The following ABHD12 variants were observed in gnomAD, a reference collection of about 807,000 sequenced individuals.
ABHD12 encodes lysophosphatidylserine lipase ABHD12.
A neutral mutation model predicts 58.3 loss-of-function variants in ABHD12; 43 were observed. That is an observed-to-expected ratio of 0.74 (90% CI 0.58 to 0.95). ABHD12 has a LOEUF of 0.95. ABHD12 is among the 40% of genes least tolerant of loss of function. ABHD12 has a pLI of 0.00. For missense variants in ABHD12, 539 were observed against 537.2 expected, an observed-to-expected ratio of 1.00 and a Z score of -0.03; for synonymous variants, 219 against 211.2, an observed-to-expected ratio of 1.04 and a Z score of -0.32.
At chr20:25,317,019 G>C (rs759713824) in intron 5 of ABHD12, 29 bp downstream of exon 5, 10 of 1,609,734 alleles carry the variant, frequency 6.2e-6, no homozygotes, top group Non-Finnish European at 8.5e-6. Flanking sequence ...ACAGCCCAGG[G>C]AACAGGTGTG....
chr20:25,388,780 A>ACTTTTCC (rs1568783127), intron 1 of ABHD12, among the ~76,000 whole-genome samples: 1 of 105,930 alleles, frequency 9.4e-6, no homozygotes. Flanking sequence ...AAACAATTTG[A>ACTTTTCC]TTTTTTCTTT....
chr20:25,366,772 C>T (rs1025703423), intron 1 of ABHD12, among the ~76,000 whole-genome samples: 2 of 152,128 alleles, frequency 1.3e-5, no homozygotes, highest in Non-Finnish European at 2.9e-5. Flanking sequence ...CAAAATCAAC[C>T]TTGACTCCAC....
downstream of ABHD12, chr20:25,296,259 C>T: frequency 1.5e-6 from 2 of 1,348,758 alleles, no homozygotes; most frequent in Non-Finnish European, 2.1e-6. Flanking sequence ...CAGCGGATGG[C>T]CCCAAGGCTC....
chr20:25,370,272 C>T (rs901587730), intron 1 of ABHD12, among the ~76,000 whole-genome samples: 2 of 152,110 alleles, frequency 1.3e-5, no homozygotes, highest in Non-Finnish European at 2.9e-5. Flanking sequence ...TCAGCTGGCA[C>T]CCAGAGCTTC....
intron 12 of ABHD12, chr20:25,295,181 T>C: frequency 1.2e-6 from 1 of 840,242 alleles, no homozygotes; most frequent in Non-Finnish European, 2.0e-6. Flanking sequence ...ATTTCCTGTG[T>C]AGGCAAATCC....
chr20:25,294,844 C>T, exon 13 of ABHD12: 1 of 998,508 alleles, frequency 1.0e-6, no homozygotes, highest in African/African-American at 1.6e-5. Context: ...CAGGGCAGTT[C>T]TTCACCGTTG....
chr20:25,368,563 G>A (rs957970099), intron 1 of ABHD12: 5 of 1,405,000 alleles, frequency 3.6e-6, no homozygotes, highest in Middle Eastern at 1.8e-4. Flanking sequence ...TGCCATTATG[G>A]GTGTGAAGTC....
chr20:25,351,158 T>C (rs1328468888), intron 1 of ABHD12, among the ~76,000 whole-genome samples: 1 of 152,206 alleles, frequency 6.6e-6, no homozygotes, highest in Non-Finnish European at 1.5e-5. Flanking sequence ...GGATCTAAGT[T>C]GGTGGAAGAA....
At chr20:25,380,620 C>T (rs1209839404) in intron 1 of ABHD12, among the ~76,000 whole-genome samples, 2 of 152,130 alleles carry the variant, frequency 1.3e-5, no homozygotes, top group South Asian at 2.1e-4. Flanking sequence ...ATACTGATCT[C>T]GTGTCACCAA....
chr20:25,304,978 G>A (rs2088708868), intron 10 of ABHD12, among the ~76,000 whole-genome samples: 1 of 149,110 alleles, frequency 6.7e-6, no homozygotes, highest in Non-Finnish European at 1.5e-5. Flanking sequence ...TGCAACCTCC[G>A]CCTCCTGCCT....
intron 1 of ABHD12, among the ~76,000 whole-genome samples, chr20:25,386,997 G>A (rs1201968875): frequency 2.0e-5 from 3 of 152,178 alleles, no homozygotes; most frequent in Non-Finnish European, 1.5e-5. Flanking sequence ...AACTCATTAT[G>A]TTAACAGATA....
At chr20:25,365,985 A>G (rs1255331178) in intron 1 of ABHD12, among the ~76,000 whole-genome samples, 1 of 152,240 alleles carries the variant, frequency 6.6e-6, no homozygotes, top group Admixed American at 6.5e-5. Context: ...GGCTGTAGTG[A>G]GCTGAGATCG....
At chr20:25,390,477 G>GGGGGGGCCCCCCC in intron 1 of ABHD12, 36 bp downstream of exon 1, 4 of 102,874 alleles carry the variant, frequency 3.9e-5, no homozygotes, top group East Asian at 7.0e-4. Context: ...TGAGGGACCG[G>GGGGGGGCCCCCCC]CCCCCCCCCC....
intron 1 of ABHD12, among the ~76,000 whole-genome samples, chr20:25,347,189 A>G (rs1488276955): frequency 6.6e-6 from 1 of 152,238 alleles, no homozygotes; most frequent in African/African-American, 2.4e-5. Context: ...GAAGTTTTAT[A>G]TCATTATTTT....
downstream of ABHD12, among the ~76,000 whole-genome samples, chr20:25,295,931 T>C (rs1413841893): frequency 6.6e-6 from 1 of 152,188 alleles, no homozygotes; most frequent in African/African-American, 2.4e-5. Context: ...GGCAGGGCCC[T>C]GGGAGGGACC....
intron 10 of ABHD12, 68 bp downstream of exon 10, chr20:25,306,765 G>A (rs1487620629): frequency 9.3e-7 from 1 of 1,075,870 alleles, no homozygotes; most frequent in Non-Finnish European, 1.4e-6. Context: ...TGTGACTAAA[G>A]AGGCTCATCC....
At chr20:25,331,072 T>A (rs1235904598) in intron 2 of ABHD12, among the ~76,000 whole-genome samples, 3 of 151,832 alleles carry the variant, frequency 2.0e-5, no homozygotes, top group Non-Finnish European at 2.9e-5. Flanking sequence ...TGGAAAAAAA[T>A]TTAGAAGAAT....
At chr20:25,333,243 G>A (rs866137744) in intron 2 of ABHD12, among the ~76,000 whole-genome samples, 3,133 of 113,248 alleles carry the variant, frequency 0.028, 6 homozygotes, top group African/African-American at 0.087. Context: ...TACACCCTCC[G>A]AAGACTAAAC....
chr20:25,390,474 C>CGGGGGGG, intron 1 of ABHD12, 39 bp downstream of exon 1: 1 of 1,079,070 alleles, frequency 9.3e-7, no homozygotes, highest in Non-Finnish European at 1.1e-6. Context: ...AAGTGAGGGA[C>CGGGGGGG]CGGCCCCCCC....
Sources: gnomAD v4.1 joint callset for allele counts (sites outside exome capture counted in the v4.1 genomes callset) on GRCh38, gnomAD v4.1.1 for gene constraint, MANE v1.5 for transcripts, NCBI Gene and HGNC (gene_info 2026-07-23, HGNC 2026-07-21) for gene names.